ZNF521: variants seen among roughly 807,000 people sequenced by gnomAD.
ZNF521 encodes LYST-interacting protein 3.
Under a neutral mutation model 105.5 loss-of-function variants are expected in ZNF521, and 14 were observed. The observed-to-expected ratio is 0.13, with a 90% CI of 0.09 to 0.21. The LOEUF (loss-of-function observed/expected upper bound fraction) is 0.21, where lower values mean the gene tolerates loss of function less well. ZNF521 is among the 10% of genes least tolerant of loss of function. ZNF521 has a pLI of 1.00. For missense variants in ZNF521, 1,233 were observed against 1,629.7 expected (o/e 0.76, Z 4.19); for synonymous variants, 635 against 606.0 (o/e 1.05, Z -0.70).
intron 4 of ZNF521, among the ~76,000 whole-genome samples, chr18:25,195,485 A>G (rs1036032776): frequency 6.6e-6 from 1 of 151,860 alleles, no homozygotes; most frequent in Admixed American, 6.6e-5. Context: ...ATGGCATAAT[A>G]TATTTTTAAA....
At chr18:25,308,649 TCCC>T (rs796428241) in intron 3 of ZNF521, among the ~76,000 whole-genome samples, 24 of 37,222 alleles carry the variant, frequency 6.4e-4, no homozygotes, top group Non-Finnish European at 2.5e-4. Flanking sequence ...CTTAATGACA[TCCC>T]CCCCCCCCCA....
intron 2 of ZNF521, among the ~76,000 whole-genome samples, chr18:25,328,558 T>G (rs1333165568): frequency 6.6e-6 from 1 of 150,532 alleles, no homozygotes; most frequent in Admixed American, 6.6e-5. Context: ...TTTATTAATT[T>G]TTTTTTTTTT....
chr18:25,314,134 T>C (rs1227304149), intron 3 of ZNF521, among the ~76,000 whole-genome samples: 1 of 151,986 alleles, frequency 6.6e-6, no homozygotes, highest in African/African-American at 2.4e-5. Context: ...AACTAAAAAG[T>C]TGAAATATCA....
Position 25,225,378 on chromosome 18 carries a change from G to T in ZNF521, c.2540C>A (p.Ala847Asp), listed in dbSNP as rs781591589. The T allele has an allele frequency of 6.8e-6, 11 of 1,614,070 alleles. No homozygotes were observed. The African/African-American group carries it at 9.3e-5, about 14-fold the overall frequency. Reference protein sequence around the residue: ...TKTPNCGTNGASEQVQKEEVE... With the variant: ...TKTPNCGTNGDSEQVQKEEVE... ...TTCCTCTTTCTGCACTTGCTCGGAA[G>T]CTCCATTTGTTCCACAGTTGGGTGT... is the stretch of plus-strand genomic sequence containing the variant. The change falls in exon 4 of 8, where the codon GCT becomes GAT. Residue 847 changes from alanine to aspartate, a missense_variant. By Grantham distance (126) the Ala-to-Asp change is moderately radical. This residue lies in a region of ZNF521 where 614 missense variants were observed against 751.5 expected (regional missense o/e 0.82). Coordinates refer to ENST00000361524, the MANE Select transcript of ZNF521 (RefSeq NM_015461.3). This position sits in a 1 kb window ranked among gnomAD's most constrained non-coding sequence, Gnocchi z 5.6.
chr18:25,137,388 A>G (rs2034756167), intron 5 of ZNF521, among the ~76,000 whole-genome samples: 1 of 152,170 alleles, frequency 6.6e-6, no homozygotes, highest in African/African-American at 2.4e-5. Context: ...ATTTGGAAGT[A>G]GGCTGCCCCT....
chr18:25,344,919 C>T (rs1914397138), intron 2 of ZNF521, among the ~76,000 whole-genome samples: 1 of 152,106 alleles, frequency 6.6e-6, no homozygotes, highest in Non-Finnish European at 1.5e-5. Context: ...ATTAATAAAA[C>T]ACATTAATAG....
intron 7 of ZNF521, among the ~76,000 whole-genome samples, chr18:25,080,763 A>G (rs1429190654): frequency 6.6e-6 from 1 of 152,208 alleles, no homozygotes; most frequent in Non-Finnish European, 1.5e-5. Context: ...GTGTTTTCCA[A>G]TAGTTAGAGG....
intron 7 of ZNF521, among the ~76,000 whole-genome samples, chr18:25,076,733 G>T (rs1393614395): frequency 6.6e-6 from 1 of 152,284 alleles, no homozygotes; most frequent in Middle Eastern, 3.4e-3. Context: ...GGAATTTGAG[G>T]CTATTTGTAT....
rs976257548 is a variant in ZNF521 at position 25,224,537 on chromosome 18, A to G, written c.3381T>C (p.Ile1127=). ...GLGQNENLSA[I]EGKGKVGGLK... is the part of the protein sequence containing the mutation. ...GTCCCCCCACCTTGCCTTTCCCCTC[A>G]ATGGCACTCAGATTCTCATTCTGGC... is the stretch of plus-strand genomic sequence containing the variant. Residue 1127 remains isoleucine, a synonymous_variant, in exon 4 of 8, where the codon ATT becomes ATC. Transcript: ENST00000361524. 11 of 1,613,760 alleles carry G rather than the reference A, an allele frequency of 6.8e-6. No individual in the cohort carries two copies. The highest frequency in any genetic ancestry group is 9.3e-6 in the Non-Finnish European group (11 of 1,179,932).
intron 4 of ZNF521, among the ~76,000 whole-genome samples, chr18:25,219,319 C>T (rs1427953391): frequency 6.6e-6 from 1 of 152,022 alleles, no homozygotes; most frequent in Non-Finnish European, 1.5e-5. Flanking sequence ...GGCTTGATGA[C>T]CAAATGATGC....
chr18:25,350,760 G>C, intron 2 of ZNF521, 147 bp downstream of exon 2: 1 of 704,998 alleles, frequency 1.4e-6, no homozygotes, highest in African/African-American at 1.9e-5. Flanking sequence ...CCACCTAGGG[G>C]CTCAGCGGGG....
At chr18:25,153,604 T>C (rs1654145134) in intron 5 of ZNF521, among the ~76,000 whole-genome samples, 1 of 152,184 alleles carries the variant, frequency 6.6e-6, no homozygotes, top group Non-Finnish European at 1.5e-5. Flanking sequence ...ACAGACAGCA[T>C]CTGGGAAACT....
At chr18:25,072,055 G>A (rs899627625) in intron 7 of ZNF521, among the ~76,000 whole-genome samples, 1 of 152,212 alleles carries the variant, frequency 6.6e-6, no homozygotes, top group Admixed American at 6.5e-5. Context: ...GATATGTCCG[G>A]CTGTGCCGGG....
intron 5 of ZNF521, among the ~76,000 whole-genome samples, chr18:25,132,742 T>C (rs2034662676): frequency 1.3e-5 from 2 of 152,194 alleles, no homozygotes; most frequent in African/African-American, 4.8e-5. Flanking sequence ...ATTTGGTAAT[T>C]AACATGAGAA....
intron 3 of ZNF521, among the ~76,000 whole-genome samples, chr18:25,242,223 T>C (rs570383064): frequency 2.6e-5 from 4 of 152,192 alleles, no homozygotes; most frequent in Non-Finnish European, 4.4e-5. Flanking sequence ...CTGTAAGGAC[T>C]CAATAGCCTG....
At chr18:25,186,721 A>G (rs1343209700) in intron 5 of ZNF521, among the ~76,000 whole-genome samples, 6 of 152,116 alleles carry the variant, frequency 3.9e-5, no homozygotes, top group Non-Finnish European at 2.9e-5. Flanking sequence ...CCAGACCTTC[A>G]GCTCAATAAC....
At chr18:25,115,589 T>C (rs2034286299) in intron 5 of ZNF521, among the ~76,000 whole-genome samples, 1 of 152,202 alleles carries the variant, frequency 6.6e-6, no homozygotes, top group Non-Finnish European at 1.5e-5. Context: ...GTAACATGCA[T>C]GTTTAGATTT....
chr18:25,207,413 G>A (rs186969161), intron 4 of ZNF521, among the ~76,000 whole-genome samples: 1 of 152,142 alleles, frequency 6.6e-6, no homozygotes, highest in African/African-American at 2.4e-5. Context: ...CAGGACTCCA[G>A]GACCGACTCT....
intron 5 of ZNF521, among the ~76,000 whole-genome samples, chr18:25,118,051 C>T (rs901488007): frequency 6.6e-6 from 1 of 152,132 alleles, no homozygotes; most frequent in Middle Eastern, 3.4e-3. Context: ...CTCATAAAAG[C>T]ATATTACACA....
Sources: allele counts gnomAD v4.1 joint callset (sites outside exome capture counted in the v4.1 genomes callset), GRCh38; gene constraint gnomAD v4.1.1; regional missense constraint gnomAD v4.1.1; non-coding constraint Gnocchi (gnomAD v3.1); transcripts MANE v1.5; gene names NCBI Gene and HGNC (gene_info 2026-07-23, HGNC 2026-07-21).